The following TSN variants were observed in gnomAD, a reference collection of about 807,000 sequenced individuals.
TSN encodes component 3 of promoter of RISC.
A neutral mutation model predicts 29.4 loss-of-function variants in TSN; 5 were observed. The ratio of observed to expected loss-of-function variants is 0.17; its 90% CI spans 0.09 to 0.36. The LOEUF (loss-of-function observed/expected upper bound fraction) is 0.36, where lower values mean the gene tolerates loss of function less well. Ranked by LOEUF, TSN falls within the 10% of genes least tolerant of loss-of-function variation. TSN has a pLI of 1.00. For missense variants in TSN, 159 were observed against 272.8 expected, an observed-to-expected ratio of 0.58 and a Z score of 2.94; for synonymous variants, 106 against 102.2, an observed-to-expected ratio of 1.04 and a Z score of -0.23.
chr2:121,757,638 G>T (rs11122867), intron 2 of TSN: 95,482 of 293,792 alleles, frequency 0.32, 17,760 homozygotes, highest in Non-Finnish European at 0.4. Flanking sequence ...AGCGGGAAAA[G>T]GGTTTATTAT....
chr2:121,765,708 G>T lies in TSN; in HGVS notation c.*341G>T. On this transcript the variant is annotated 3_prime_UTR_variant, in exon 6 of 6. Transcript: ENST00000389682. ...TTGAGAAGTTCATTGTCTCGTTTGT[G>T]ATTCTTCCAGATGTGATGCTTGATA... 1 of 259,724 alleles carries T rather than the reference G, an allele frequency of 3.9e-6. No homozygotes were observed. The highest frequency in any genetic ancestry group is 5.9e-5 in the South Asian group (1 of 16,922). The allele number at this position is 259,724 out of a possible 1,614,324, so 16.1% of individuals were successfully genotyped here.
intron 3 of TSN, 38 bp downstream of exon 3, chr2:121,758,844 T>TA (rs761076639): frequency 1.8e-4 from 248 of 1,387,742 alleles, no homozygotes; most frequent in South Asian, 3.1e-4. Context: ...TAATGTTAAG[T>TA]AAAAAAAAGG....
intron 3 of TSN, 92 bp from the exon 4 acceptor site, chr2:121,761,317 C>G (rs1451917586): frequency 1.3e-6 from 1 of 792,172 alleles, no homozygotes; most frequent in Non-Finnish European, 2.2e-6. Flanking sequence ...GAAAAATGAT[C>G]GCATTTCTAA....
chr2:121,759,116 T>C (rs1274751132), intron 3 of TSN, among the ~76,000 whole-genome samples: 1 of 152,242 alleles, frequency 6.6e-6, no homozygotes, highest in Non-Finnish European at 1.5e-5. Flanking sequence ...TTGGATGAAC[T>C]ATAGTTAGTG....
At chr2:121,759,860 G>A (rs1317135518) in intron 3 of TSN, among the ~76,000 whole-genome samples, 2 of 152,264 alleles carry the variant, frequency 1.3e-5, no homozygotes, top group Admixed American at 1.3e-4. Flanking sequence ...CTGCCTCTGG[G>A]AGCTAAGAAT....
chr2:121,761,354 C>A, intron 3 of TSN, 55 bp from the exon 4 acceptor site: 1 of 1,286,156 alleles, frequency 7.8e-7, no homozygotes, highest in Non-Finnish European at 1.1e-6. Context: ...TGTATTAAAC[C>A]CATCTTTCTG....
At chr2:121,761,570 T>G (rs1401149784) in intron 4 of TSN, 46 bp downstream of exon 4, 11 of 1,458,772 alleles carry the variant, frequency 7.5e-6, no homozygotes, top group Non-Finnish European at 1.1e-5. Flanking sequence ...GCATGGTTGC[T>G]TACTTTTTGG....
Position 121,755,694 on chromosome 2 carries a change from G to T in TSN, c.-86G>T. The T allele has an allele frequency of 6.4e-7, 1 of 1,561,050 alleles. No homozygotes were observed. Among genetic ancestry groups the T allele is most frequent in the South Asian group, 1.1e-5 (1 of 89,930 alleles). ...GGGGGACGCGGCGGTAGCGGCGGCC[G>T]TTGCGATTGATTGCGCTGGTTGCCT... On this transcript the variant is annotated 5_prime_UTR_variant, in exon 1 of 6. Coordinates refer to ENST00000389682, the MANE Select transcript of TSN (RefSeq NM_004622.3).
At chr2:121,761,201 TA>T (rs1264479008) in intron 3 of TSN, among the ~76,000 whole-genome samples, 2 of 152,312 alleles carry the variant, frequency 1.3e-5, no homozygotes, top group East Asian at 3.9e-4. Flanking sequence ...AATTAGACCA[TA>T]TTTGTCACTG....
intron 1 of TSN, chr2:121,756,142 T>A (rs111643245): frequency 2.1e-6 from 1 of 487,294 alleles, no homozygotes; most frequent in African/African-American, 1.9e-5. Context: ...CTTCAGCGAA[T>A]GAGCGTTTCG....
At chr2:121,762,264 T>C (rs2074842242) in intron 4 of TSN, among the ~76,000 whole-genome samples, 1 of 152,172 alleles carries the variant, frequency 6.6e-6, no homozygotes, top group South Asian at 2.1e-4. Flanking sequence ...AGTGCTGGGA[T>C]TACAGGCGTG....
At position 121,765,332 on chromosome 2, in the gene TSN, A is replaced by G; in HGVS notation, c.652A>G (p.Asn218Asp). 1 of 1,614,226 alleles carries G rather than the reference A, an allele frequency of 6.2e-7. No individual in the cohort carries two copies. Among genetic ancestry groups the G allele is most frequent in the Non-Finnish European group, 8.5e-7 (1 of 1,180,038 alleles). Residue 218 changes from asparagine to aspartate, a missense_variant, in exon 6 of 6, where the codon AAT (asparagine) becomes GAT (aspartate). By Grantham distance (23) the Asn-to-Asp change is conservative. Coordinates refer to ENST00000389682, the MANE Select transcript of TSN (RefSeq NM_004622.3). ...VVYDLSIRGFNKETAAACVEK is the reference protein window; with the variant it reads ...VVYDLSIRGFDKETAAACVEK ...CTATGATCTCTCCATCCGGGGCTTT[A>G]ATAAGGAGACGGCAGCAGCTTGTGT...
Position 121,765,203 on chromosome 2 carries a change from A to C in TSN, c.523A>C (p.Asn175His). 6.2e-7 allele frequency: 1 copy of C among 1,614,192 alleles called. No homozygotes were observed. Among genetic ancestry groups the C allele is most frequent in the Non-Finnish European group, 8.5e-7 (1 of 1,180,046 alleles). Residue 175 changes from asparagine to histidine, a missense_variant, in exon 6 of 6, where the codon AAT becomes CAT. Physicochemically the swap from Asn to His is moderately conservative, Grantham distance 68. This residue lies in a region of TSN where 85 missense variants were observed against 178.1 expected (regional missense o/e 0.48). Coordinates refer to ENST00000389682, the MANE Select transcript of TSN (RefSeq NM_004622.3). Reference protein sequence around the residue: ...SRPLHISTFINELDSGFRLLN... With the variant: ...SRPLHISTFIHELDSGFRLLN... The stretch of plus-strand genomic sequence containing the variant: ...ACCCCTCCACATCTCCACCTTCATC[A>C]ATGAGCTGGATTCCGGTTTTCGCCT...
intron 2 of TSN, chr2:121,757,720 C>G: frequency 2.8e-5 from 5 of 177,740 alleles, no homozygotes; most frequent in South Asian, 1.1e-4. Context: ...GCAGTGGTGC[C>G]ATCTCAGCTC....
At chr2:121,757,120 T>G in intron 1 of TSN, 120 bp from the exon 2 acceptor site, 2 of 893,990 alleles carry the variant, frequency 2.2e-6, no homozygotes, top group Non-Finnish European at 3.3e-6. Flanking sequence ...AGGAAATAAG[T>G]GGAAAAGTCA....
At chr2:121,757,092 C>T (rs2074761388) in intron 1 of TSN, 148 bp from the exon 2 acceptor site, 1 of 707,546 alleles carries the variant, frequency 1.4e-6, no homozygotes, top group African/African-American at 1.8e-5. Context: ...TTTTTAGTGA[C>T]TTTTTGAAGT....
chr2:121,758,312 C>T (rs564864857), intron 2 of TSN, among the ~76,000 whole-genome samples: 9 of 152,094 alleles, frequency 5.9e-5, no homozygotes, highest in Non-Finnish European at 1.0e-4. Flanking sequence ...CTTAATGATA[C>T]GGAGTTGGTC....
chr2:121,755,730 C>G lies in TSN; in HGVS notation c.-50C>G, dbSNP rs1007585773. ...TTGCGCTGGTTGCCTGCGGCGTCCA[C>G]TTCCTTGGCCGCCCTTGCTACACTG... On this transcript the variant is annotated 5_prime_UTR_variant, in exon 1 of 6. Transcript: ENST00000389682. 1.9e-6 allele frequency: 3 copies of G among 1,608,454 alleles called. No homozygotes were observed. In the East Asian group the frequency reaches 6.7e-5, roughly 36 times the overall value.
At chr2:121,756,304 T>C in intron 1 of TSN, 1 of 250,738 alleles carries the variant, frequency 4.0e-6, no homozygotes, top group South Asian at 3.7e-5. Flanking sequence ...GTGTATGATG[T>C]TCACTTTACC....
Sources: allele counts gnomAD v4.1 joint callset (sites outside exome capture counted in the v4.1 genomes callset), GRCh38; gene constraint gnomAD v4.1.1; regional missense constraint gnomAD v4.1.1; transcripts MANE v1.5; gene names NCBI Gene and HGNC (gene_info 2026-07-23, HGNC 2026-07-21).